SDCCAG8: variants seen among roughly 807,000 people sequenced by gnomAD.
The protein encoded by SDCCAG8 is serologically defined colon cancer antigen 8.
A neutral mutation model predicts 101.8 loss-of-function variants in SDCCAG8; 74 were observed. The ratio of observed to expected loss-of-function variants is 0.73; its 90% CI spans 0.60 to 0.88. The LOEUF is 0.88. Ranked by LOEUF, SDCCAG8 falls within the 40% of genes least tolerant of loss-of-function variation. The probability of loss-of-function intolerance (pLI) is 0.00; values close to 1 mark genes in which losing one functional copy is unlikely to be tolerated. For synonymous variants in SDCCAG8, 281 were observed against 292.9 expected (o/e 0.96, Z 0.41); for missense variants, 787 against 822.6 (o/e 0.96, Z 0.53).
chr1:243,332,655 G>A (rs577569465), intron 10 of SDCCAG8, among the ~76,000 whole-genome samples: 3 of 148,424 alleles, frequency 2.0e-5, no homozygotes, highest in Non-Finnish European at 4.5e-5. Flanking sequence ...TGATTATCGC[G>A]GTCCCGGTCT....
intron 12 of SDCCAG8, among the ~76,000 whole-genome samples, chr1:243,367,117 G>A (rs775255580): frequency 1.8e-4 from 27 of 152,058 alleles, no homozygotes; most frequent in Non-Finnish European, 2.2e-4. Context: ...GTCAATAACT[G>A]TAATGAATAT....
chr1:243,497,033 C>T (rs540709200), intron 17 of SDCCAG8, among the ~76,000 whole-genome samples: 5 of 152,278 alleles, frequency 3.3e-5, no homozygotes, highest in East Asian at 1.9e-4. Flanking sequence ...GGCAGAAGGA[C>T]GGGAGACACT....
chr1:243,440,408 A>T (rs1346881887), intron 16 of SDCCAG8, among the ~76,000 whole-genome samples: 2 of 152,194 alleles, frequency 1.3e-5, no homozygotes, highest in Non-Finnish European at 2.9e-5. Flanking sequence ...TTGTCTCAGG[A>T]AACACTGAAT....
chr1:243,356,779 G>A (rs142206549), intron 12 of SDCCAG8, among the ~76,000 whole-genome samples: 2 of 152,020 alleles, frequency 1.3e-5, no homozygotes, highest in African/African-American at 4.8e-5. Flanking sequence ...GAGCCCAGGA[G>A]TTTGAGACCA....
chr1:243,354,526 G>A (rs1268361822), intron 12 of SDCCAG8, among the ~76,000 whole-genome samples: 1 of 152,178 alleles, frequency 6.6e-6, no homozygotes, highest in Admixed American at 6.5e-5. Context: ...AATTTCTACT[G>A]GAAAGATTTG....
At chr1:243,327,816 C>T (rs1481894129) in intron 9 of SDCCAG8, among the ~76,000 whole-genome samples, 1 of 152,146 alleles carries the variant, frequency 6.6e-6, no homozygotes, top group Non-Finnish European at 1.5e-5. Flanking sequence ...AGTGTTACTA[C>T]GCTTTTCTGT....
intron 16 of SDCCAG8, chr1:243,476,284 C>T (rs951796163): frequency 4.1e-6 from 4 of 985,332 alleles, no homozygotes; most frequent in African/African-American, 1.7e-5. Context: ...AAGCTTTCAG[C>T]ATTGACGGTT....
chr1:243,355,048 C>T (rs1048393348), intron 12 of SDCCAG8, among the ~76,000 whole-genome samples: 13 of 152,186 alleles, frequency 8.5e-5, no homozygotes, highest in African/African-American at 3.1e-4. Flanking sequence ...TAGGCTGCTC[C>T]TGAGTGTTAA....
intron 16 of SDCCAG8, among the ~76,000 whole-genome samples, chr1:243,434,654 C>T (rs1288700643): frequency 6.6e-6 from 1 of 152,052 alleles, no homozygotes; most frequent in East Asian, 1.9e-4. Context: ...AATTGTAAGC[C>T]AATTGGGGTT....
chr1:243,480,365 T>C (rs1224594834), intron 16 of SDCCAG8, among the ~76,000 whole-genome samples: 1 of 43,932 alleles, frequency 2.3e-5, no homozygotes. Flanking sequence ...GTGGGTGGGA[T>C]GGATGGATGG....
intron 17 of SDCCAG8, among the ~76,000 whole-genome samples, chr1:243,496,363 GCAGGGGCTGCCCTGGAGCTCTGTCAACT>G (rs1667887892): frequency 6.6e-6 from 1 of 152,222 alleles, no homozygotes; most frequent in South Asian, 2.1e-4. Context: ...ACCAAGCGAG[GCAGGGGCTGCCCTGGAGCTCTGTCAACT>G]CAGGGCCAGC....
Position 243,344,316 on chromosome 1 carries a change from T to G in SDCCAG8, c.1458T>G (p.Leu486=). ...TCAGAGCAAAAACTAACAGGGATCT[T>G]GAAATTAAAGATCAGGTAAGAGAGG... is the stretch of plus-strand genomic sequence containing the variant. ...REFRAKTNRD[L]EIKDQEIEKL... The change falls in exon 12 of 18, where the codon CTT becomes CTG. Residue 486 remains leucine (L), a synonymous_variant. Coordinates refer to ENST00000366541, the MANE Select transcript of SDCCAG8 (RefSeq NM_006642.5). 6.2e-7 allele frequency: 1 copy of G among 1,611,752 alleles called. No individual in the cohort carries two copies. The highest frequency in any genetic ancestry group is 8.5e-7 in the Non-Finnish European group (1 of 1,177,888).
chr1:243,450,816 G>A (rs1373311207), intron 16 of SDCCAG8, among the ~76,000 whole-genome samples: 5 of 152,024 alleles, frequency 3.3e-5, no homozygotes, highest in African/African-American at 7.2e-5. Flanking sequence ...GCGCCACCAC[G>A]CCCGGCTAAT....
intron 13 of SDCCAG8, among the ~76,000 whole-genome samples, chr1:243,407,990 C>A (rs1037291782): frequency 3.9e-5 from 6 of 152,088 alleles, no homozygotes; most frequent in African/African-American, 9.7e-5. Context: ...ATTTTGGGTT[C>A]TTCTGAAACA....
Position 243,344,409 on chromosome 1 carries a change from C to T in SDCCAG8, c.1473+78C>T. The T allele has an allele frequency of 2.8e-6, 3 of 1,060,004 alleles. No individual in the cohort carries two copies. The South Asian group carries it at 3.8e-5, about 14-fold the overall frequency. 65.7% of individuals were successfully genotyped at this position (1,060,004 alleles called of 1,614,324 possible). A position where few individuals can be genotyped will look rare whatever the true frequency, so the allele number is the denominator to read the frequency against. ...TTCTCAAGTTGATGTTGTTTTATTC[C>T]TAATTTATTTATTTGTATTGTTTCT... On this transcript the variant is annotated intron_variant, in intron 12 of 17. Coordinates refer to ENST00000366541, the MANE Select transcript of SDCCAG8 (RefSeq NM_006642.5).
intron 16 of SDCCAG8, among the ~76,000 whole-genome samples, chr1:243,455,222 A>G (rs1574139850): frequency 6.6e-6 from 1 of 152,160 alleles, no homozygotes; most frequent in South Asian, 2.1e-4. Flanking sequence ...AACATGAAAA[A>G]GTAGGCCAGT....
intron 10 of SDCCAG8, among the ~76,000 whole-genome samples, chr1:243,339,417 C>A (rs768421639): frequency 4.4e-4 from 67 of 151,994 alleles, no homozygotes; most frequent in Admixed American, 2.8e-3. Context: ...CTCATGAACT[C>A]GAAATTTTAA....
chr1:243,432,186 C>G lies in SDCCAG8; in HGVS notation c.1985+5628C>G, dbSNP rs116398346. Reference sequence around the variant, plus strand: ...GTGCTTGAAAATAGAAGCCTGAAATCTTAATCTTTATCTCATAATTTAAAA... The same window carrying G: ...GTGCTTGAAAATAGAAGCCTGAAATGTTAATCTTTATCTCATAATTTAAAA... On this transcript the variant is annotated intron_variant, in intron 16 of 17. Coordinates refer to ENST00000366541, the MANE Select transcript of SDCCAG8 (RefSeq NM_006642.5). 6.3e-3 allele frequency among the ~76,000 whole-genome samples: 963 copies of G among 152,254 alleles called. 10 individuals are homozygous for G. Among genetic ancestry groups the G allele is most frequent in the African/African-American group, 0.021 (889 of 41,544 alleles).
chr1:243,264,143 A>G (rs1204888083), intron 1 of SDCCAG8, among the ~76,000 whole-genome samples: 1 of 152,112 alleles, frequency 6.6e-6, no homozygotes, highest in Non-Finnish European at 1.5e-5. Flanking sequence ...ATTCTCTTTC[A>G]CATCTCCCAG....
Sources: gnomAD v4.1 joint callset for allele counts (sites outside exome capture counted in the v4.1 genomes callset) on GRCh38, gnomAD v4.1.1 for gene constraint, MANE v1.5 for transcripts, NCBI Gene and HGNC (gene_info 2026-07-23, HGNC 2026-07-21) for gene names.